The following DNASE1 variants were observed in gnomAD, a reference collection of about 807,000 sequenced individuals.
The protein encoded by DNASE1 is deoxyribonuclease-1.
A neutral mutation model predicts 33.9 loss-of-function variants in DNASE1; 40 were observed. The observed-to-expected ratio is 1.18, with a 90% CI of 0.92 to 1.54. The LOEUF (loss-of-function observed/expected upper bound fraction) is 1.54, where lower values mean the gene tolerates loss of function less well. Among genes scored for constraint, DNASE1 ranks in the 40% most tolerant of loss-of-function variants. The pLI, the probability that DNASE1 is intolerant of heterozygous loss-of-function variation, is 0.00. For missense variants in DNASE1, 518 were observed against 372.6 expected, an observed-to-expected ratio of 1.39 and a Z score of -3.21; for synonymous variants, 216 against 160.0, an observed-to-expected ratio of 1.35 and a Z score of -2.64.
rs73505458 is a variant in DNASE1, at chr16:3,656,319, A to G, written c.320+134A>G. The G allele has an allele frequency of 6.2e-4, 607 of 979,224 alleles. 1 individual carries two copies. In the African/African-American group the frequency reaches 8.5e-3, roughly 14 times the overall value. 60.7% of individuals were successfully genotyped at this position (979,224 alleles called of 1,614,324 possible). ...TCAGAGCAGGGTCCAGGGTGGAGTG[A>G]AAACACCCCAAGGTCCCGGACCAAT... On this transcript the variant is annotated intron_variant, in intron 4 of 8. Coordinates refer to ENST00000246949, the MANE Select transcript of DNASE1 (RefSeq NM_005223.4).
chr16:3,622,058 T>C (rs966239744), intron 1 of DNASE1, among the ~76,000 whole-genome samples: 1 of 152,030 alleles, frequency 6.6e-6, no homozygotes, highest in Non-Finnish European at 1.5e-5. Context: ...CCGTCTTTAC[T>C]AAAAATATAA....
intron 1 of DNASE1, among the ~76,000 whole-genome samples, chr16:3,614,653 G>T (rs946393750): frequency 6.6e-6 from 1 of 152,176 alleles, no homozygotes; most frequent in South Asian, 2.1e-4. Flanking sequence ...TAGATAAAGG[G>T]GGGAGGCTGA....
At chr16:3,650,496 C>T (rs1479502233), upstream of DNASE1, 1 of 151,166 alleles carries the variant, frequency 6.6e-6, no homozygotes, top group African/African-American at 2.4e-5. Flanking sequence ...TAGTTTTCTT[C>T]ATCATTTATT....
intron 1 of DNASE1, among the ~76,000 whole-genome samples, chr16:3,636,373 T>A (rs2041867704): frequency 6.6e-6 from 1 of 152,236 alleles, no homozygotes; most frequent in African/African-American, 2.4e-5. Flanking sequence ...ATCATAGTTG[T>A]TTTAAATCAG....
chr16:3,663,940 G>A (rs1023859929), exon 10 of DNASE1: 12 of 351,692 alleles, frequency 3.4e-5, no homozygotes, highest in Non-Finnish European at 4.2e-5. Context: ...GTGTGCACCT[G>A]TAGTCCCAGC....
Position 3,657,039 on chromosome 16 carries a change from G to C in DNASE1, c.477G>C (p.Pro159=). 3 of 1,613,662 alleles carry C rather than the reference G, an allele frequency of 1.9e-6. No homozygotes were observed. Among genetic ancestry groups the C allele is most frequent in the Non-Finnish European group, 2.5e-6 (3 of 1,179,948 alleles). The change falls in exon 6 of 9, where the codon CCG becomes CCC. Residue 159 remains proline (P), a synonymous_variant. Coordinates refer to ENST00000246949, the MANE Select transcript of DNASE1 (RefSeq NM_005223.4). The part of the protein sequence containing the change: ...EFAIVPLHAA[P]GDAVAEIDAL... Reference sequence around the variant, plus strand: ...CCATTGTTCCCCTGCATGCGGCCCCGGGGGACGCAGTAGCCGAGATCGACG... The same window carrying C: ...CCATTGTTCCCCTGCATGCGGCCCCCGGGGACGCAGTAGCCGAGATCGACG...
At chr16:3,660,672 C>G (rs1172774644), downstream of DNASE1, 2 of 152,150 alleles carry the variant, frequency 1.3e-5, no homozygotes, top group Non-Finnish European at 2.9e-5. Flanking sequence ...AGTGCCATGG[C>G]TAGGAAGATG....
chr16:3,616,140 A>G (rs1596547853), intron 1 of DNASE1, among the ~76,000 whole-genome samples: 1 of 152,188 alleles, frequency 6.6e-6, no homozygotes, highest in South Asian at 2.1e-4. Flanking sequence ...GTTACACTGC[A>G]TTTCTTTCAG....
downstream of DNASE1, chr16:3,661,628 A>T (rs1253295612): frequency 4.4e-6 from 1 of 224,804 alleles, no homozygotes; most frequent in African/African-American, 2.3e-5. Flanking sequence ...GGCAACCCTC[A>T]TGCCAAGTGA....
exon 10 of DNASE1, chr16:3,663,307 G>T: frequency 1.4e-6 from 2 of 1,380,678 alleles, no homozygotes; most frequent in South Asian, 1.3e-5. Flanking sequence ...GCTCTTCTCG[G>T]GGGTGGCTGA....
At chr16:3,625,876 G>A (rs1201289407) in intron 1 of DNASE1, among the ~76,000 whole-genome samples, 2 of 152,222 alleles carry the variant, frequency 1.3e-5, no homozygotes, top group Non-Finnish European at 2.9e-5. Context: ...GAGGCAGAAG[G>A]ATCGCTTTAG....
At chr16:3,629,531 A>C (rs571777237) in intron 1 of DNASE1, among the ~76,000 whole-genome samples, 26 of 152,286 alleles carry the variant, frequency 1.7e-4, no homozygotes, top group Non-Finnish European at 2.9e-4. Context: ...AAGGGATATT[A>C]GTCTGTGGTT....
chr16:3,612,113 G>C (rs1305029208), intron 1 of DNASE1: 1 of 152,444 alleles, frequency 6.6e-6, no homozygotes, highest in Non-Finnish European at 1.5e-5. Flanking sequence ...GAGCTCTTCC[G>C]CAGGGCTAGG....
chr16:3,627,376 C>G (rs1358247867), intron 1 of DNASE1, among the ~76,000 whole-genome samples: 1 of 151,738 alleles, frequency 6.6e-6, no homozygotes, highest in African/African-American at 2.4e-5. Flanking sequence ...CTAGCTCAAG[C>G]CATCCTCCCA....
Position 3,657,092 on chromosome 16 carries a change from A to G in DNASE1, c.530A>G (p.Gln177Arg), listed in dbSNP as rs2042710129. The part of the protein sequence containing the change: ...DALYDVYLDV[Q>R]EKWGLEDVML... Reference sequence around the variant, plus strand: ...CTCTATGACGTCTACCTGGATGTCCAAGAGAAATGGGGCTTGGAGGTGAGG... The same window carrying G: ...CTCTATGACGTCTACCTGGATGTCCGAGAGAAATGGGGCTTGGAGGTGAGG... Residue 177 changes from glutamine to arginine, a missense_variant, in exon 6 of 9, where the codon CAA (glutamine) becomes CGA (arginine). Transcript: ENST00000246949. 2 of 1,613,978 alleles carry G rather than the reference A, an allele frequency of 1.2e-6. No homozygotes were observed. The highest frequency in any genetic ancestry group is 1.1e-5 in the South Asian group (1 of 91,092).
In DNASE1 at chr16:3,655,771, C is replaced by A. The variant is rs1051444947; in HGVS notation, c.148-78C>A. The A allele has an allele frequency of 1.9e-6, 3 of 1,551,722 alleles. No homozygotes were observed. In the Admixed American group the frequency reaches 5.0e-5, roughly 26 times the overall value. On this transcript the variant is annotated intron_variant, in intron 2 of 8. Coordinates refer to ENST00000246949, the MANE Select transcript of DNASE1 (RefSeq NM_005223.4). ...AACCGAGCAATGCCACGAGCATCAG[C>A]TGTGGCTCCCTTTGTGGCGCTGTAG...
At chr16:3,625,361 G>A (rs1319928185) in intron 1 of DNASE1, among the ~76,000 whole-genome samples, 1 of 151,878 alleles carries the variant, frequency 6.6e-6, no homozygotes, top group Non-Finnish European at 1.5e-5. Context: ...TTATATTCTT[G>A]TAGTCTCTGA....
exon 10 of DNASE1, chr16:3,664,378 G>C (rs375948455): frequency 6.2e-7 from 1 of 1,612,690 alleles, no homozygotes; most frequent in Non-Finnish European, 8.5e-7. Flanking sequence ...GCCCGCATGC[G>C]GCTGGCGTAT....
At chr16:3,620,267 A>G (rs1277878374) in intron 1 of DNASE1, among the ~76,000 whole-genome samples, 3 of 152,160 alleles carry the variant, frequency 2.0e-5, no homozygotes, top group African/African-American at 7.2e-5. Flanking sequence ...ACCACATTAC[A>G]TTCATTGAGT....
Sources: allele counts gnomAD v4.1 joint callset (sites outside exome capture counted in the v4.1 genomes callset), GRCh38; gene constraint gnomAD v4.1.1; transcripts MANE v1.5; gene names NCBI Gene and HGNC (gene_info 2026-07-23, HGNC 2026-07-21).